CFAP300: variants seen among roughly 807,000 people sequenced by gnomAD.
CFAP300 encodes the protein cilia and flagella associated protein 300.
In CFAP300, 32 loss-of-function variants were observed where a neutral mutation model predicts 33.0. That is an observed-to-expected ratio of 0.97 (90% confidence interval 0.73 to 1.30). CFAP300 has a LOEUF of 1.30. Ranked by LOEUF, CFAP300 falls within the 50% of genes most tolerant of loss-of-function variation. The pLI, the probability that CFAP300 is intolerant of heterozygous loss-of-function variation, is 0.00. For missense variants in CFAP300, 356 were observed against 318.1 expected (o/e 1.12, Z -0.90); for synonymous variants, 102 against 106.8 (o/e 0.95, Z 0.28).
chr11:102,076,693 A>G (rs1216277805), intron 5 of CFAP300, among the ~76,000 whole-genome samples: 1 of 152,350 alleles, frequency 6.6e-6, no homozygotes, highest in South Asian at 2.1e-4. Context: ...AGTTAGTTAT[A>G]TAATTTTACT....
intron 4 of CFAP300, among the ~76,000 whole-genome samples, chr11:102,072,611 A>T (rs1942329780): frequency 6.6e-6 from 1 of 151,884 alleles, no homozygotes; most frequent in Admixed American, 6.6e-5. Flanking sequence ...CCATATCATT[A>T]TTTTGAATTT....
At chr11:102,067,387 C>T (rs1393127391) in intron 4 of CFAP300, among the ~76,000 whole-genome samples, 1 of 152,062 alleles carries the variant, frequency 6.6e-6, no homozygotes, top group Admixed American at 6.6e-5. Flanking sequence ...TAAATAAAAA[C>T]ATCCCAGGAG....
In CFAP300 at chr11:102,075,865, C is replaced by T. The variant is rs1565397293; in HGVS notation, c.436-8C>T. ...TATGTTACATTAAGATGAATTTTAT[C>T]GTCTTAGGTTTTGCTAGTGGAAGAC... On this transcript the variant is annotated splice_polypyrimidine_tract_variant and splice_region_variant and intron_variant, in intron 4 of 6. Coordinates refer to ENST00000434758, the MANE Select transcript of CFAP300 (RefSeq NM_032930.3). 66 of 1,571,088 alleles carry T rather than the reference C, an allele frequency of 4.2e-5. No homozygotes were observed. Among genetic ancestry groups the T allele is most frequent in the Non-Finnish European group, 5.2e-5 (60 of 1,154,940 alleles).
At chr11:102,079,159 G>T (rs371886920) in intron 5 of CFAP300, among the ~76,000 whole-genome samples, 113 of 152,194 alleles carry the variant, frequency 7.4e-4, no homozygotes, top group East Asian at 2.1e-3. Context: ...ATAGTAAAAT[G>T]AATAAATCAT....
Position 102,058,910 on chromosome 11 carries a change from A to C in CFAP300, c.223A>C (p.Asn75His), listed in dbSNP as rs1294484607. Residue 75 changes from asparagine to histidine, a missense_variant, in exon 3 of 7, where the codon AAT (asparagine) becomes CAT (histidine). Transcript: ENST00000434758. ...TTTCAAAGACCCAAATGTTATTCCCAATTTGAAGTTACTTTCAGATTCTTC... is the reference window on the plus strand; with the variant it reads ...TTTCAAAGACCCAAATGTTATTCCCCATTTGAAGTTACTTTCAGATTCTTC... ...AFFKDPNVIP[N>H]LKLLSDSSGQ... 3.8e-6 allele frequency: 6 copies of C among 1,587,904 alleles called. No individual in the cohort carries two copies. The highest frequency in any genetic ancestry group is 4.3e-6 in the Non-Finnish European group (5 of 1,169,088).
At chr11:102,071,382 T>C (rs989239003) in intron 4 of CFAP300, among the ~76,000 whole-genome samples, 6 of 152,224 alleles carry the variant, frequency 3.9e-5, no homozygotes, top group African/African-American at 1.4e-4. Context: ...TGTTGTTTTT[T>C]AATCCACTCA....
rs543134365 is a variant in CFAP300, at chr11:102,050,176, G to A, written c.192+2280G>A. ...TTACTTTATGAAGTATTTTTCTATA[G>A]CAGTAGTGACTCCAGTGTGCACAGA... On this transcript the variant is annotated intron_variant, in intron 2 of 6. Coordinates refer to ENST00000434758, the MANE Select transcript of CFAP300 (RefSeq NM_032930.3). Among the ~76,000 whole-genome samples the A allele has an allele frequency of 2.0e-5, 3 of 152,202 alleles. No individual in the cohort carries two copies. In the South Asian group the frequency reaches 6.2e-4, roughly 32 times the overall value.
At chr11:102,069,525 G>A (rs1231032438) in intron 4 of CFAP300, among the ~76,000 whole-genome samples, 2 of 152,098 alleles carry the variant, frequency 1.3e-5, no homozygotes, top group African/African-American at 2.4e-5. Flanking sequence ...CAGCCTAGCC[G>A]GGCATGGTGG....
chr11:102,049,758 T>C (rs1360925022), intron 2 of CFAP300, among the ~76,000 whole-genome samples: 1 of 152,078 alleles, frequency 6.6e-6, no homozygotes, highest in African/African-American at 2.4e-5. Context: ...ATTTGTTGAA[T>C]ATTTACTGTG....
chr11:102,069,339 A>G (rs1199856947), intron 4 of CFAP300, among the ~76,000 whole-genome samples: 2 of 152,228 alleles, frequency 1.3e-5, no homozygotes, highest in African/African-American at 4.8e-5. Context: ...GCCTCACTGT[A>G]ATGTAGTAAG....
At chr11:102,070,336 A>G (rs906883951) in intron 4 of CFAP300, among the ~76,000 whole-genome samples, 2 of 152,216 alleles carry the variant, frequency 1.3e-5, no homozygotes, top group African/African-American at 4.8e-5. Flanking sequence ...TACTTCTTAT[A>G]TGCAAAGACC....
chr11:102,052,905 G>A (rs1941992179), intron 2 of CFAP300, among the ~76,000 whole-genome samples: 1 of 152,128 alleles, frequency 6.6e-6, no homozygotes, highest in African/African-American at 2.4e-5. Flanking sequence ...AAAAATAGAT[G>A]ATTCTGATAA....
intron 4 of CFAP300, among the ~76,000 whole-genome samples, chr11:102,069,731 A>G (rs1942281825): frequency 6.6e-6 from 1 of 152,172 alleles, no homozygotes; most frequent in Admixed American, 6.5e-5. Context: ...TGAACCCAGG[A>G]GGCGGAGGTT....
At chr11:102,066,735 T>A in intron 4 of CFAP300, 84 bp downstream of exon 4, 1 of 1,145,084 alleles carries the variant, frequency 8.7e-7, no homozygotes, top group South Asian at 1.5e-5. Flanking sequence ...GCTTAAAGCA[T>A]AAAATACCTT....
intron 5 of CFAP300, 76 bp from the exon 6 acceptor site, chr11:102,081,139 C>A: frequency 9.3e-7 from 1 of 1,074,182 alleles, no homozygotes; most frequent in Non-Finnish European, 1.3e-6. Flanking sequence ...CACTTAAATA[C>A]TAAAAGGGAT....
rs139149208 is a variant in CFAP300 at position 102,058,971 on chromosome 11, A to G, written c.268+16A>G. The G allele has an allele frequency of 3.2e-4, 451 of 1,410,342 alleles. 2 individuals carry two copies. The African/African-American group carries it at 5.9e-3, about 18-fold the overall frequency. The allele number at this position is 1,410,342 out of a possible 1,614,324, so 87.4% of individuals were successfully genotyped here. A position where few individuals can be genotyped will look rare whatever the true frequency, so the allele number is the denominator to read the frequency against. On this transcript the variant is annotated intron_variant, in intron 3 of 6. Transcript: ENST00000434758. ...ATCATATTAGGTAAATAAAATTTTCATCTTTTCAGATACTATTTTACTATT... is the reference window on the plus strand; with the variant it reads ...ATCATATTAGGTAAATAAAATTTTCGTCTTTTCAGATACTATTTTACTATT...
intron 2 of CFAP300, among the ~76,000 whole-genome samples, chr11:102,053,563 C>T (rs1358156570): frequency 6.6e-6 from 1 of 150,626 alleles, no homozygotes; most frequent in African/African-American, 2.4e-5. Flanking sequence ...AACAAACAAA[C>T]AAACAAACAA....
At chr11:102,056,859 A>C (rs181865347) in intron 2 of CFAP300, among the ~76,000 whole-genome samples, 1 of 151,682 alleles carries the variant, frequency 6.6e-6, no homozygotes, top group Admixed American at 6.6e-5. Context: ...TCCTGGCCTC[A>C]AGTGATCCAC....
At chr11:102,063,970 ATGACC>A in intron 3 of CFAP300, among the ~76,000 whole-genome samples, 1 of 152,318 alleles carries the variant, frequency 6.6e-6, no homozygotes, top group African/African-American at 2.4e-5. Context: ...TTGAAGTCCC[ATGACC>A]ATCCCTCCTT....
Sources: allele counts gnomAD v4.1 joint callset (sites outside exome capture counted in the v4.1 genomes callset), GRCh38; gene constraint gnomAD v4.1.1; transcripts MANE v1.5; gene names NCBI Gene and HGNC (gene_info 2026-07-23, HGNC 2026-07-21).